The following RNF150 variants were observed in gnomAD, a reference collection of about 807,000 sequenced individuals.
RNF150 encodes the protein ring finger protein 150.
In RNF150, 24 loss-of-function variants were observed where a neutral mutation model predicts 39.3. That is an observed-to-expected ratio of 0.61 (90% CI 0.44 to 0.86). The LOEUF (loss-of-function observed/expected upper bound fraction) is 0.86. RNF150 is among the 40% of genes least tolerant of loss of function. The pLI, the probability that RNF150 is intolerant of heterozygous loss-of-function variation, is 0.00. For missense variants in RNF150, 502 were observed against 587.8 expected, an observed-to-expected ratio of 0.85 and a Z score of 1.51; for synonymous variants, 255 against 227.3, an observed-to-expected ratio of 1.12 and a Z score of -1.10.
chr4:141,089,611 G>C (rs1395497367), intron 1 of RNF150, among the ~76,000 whole-genome samples: 2 of 152,164 alleles, frequency 1.3e-5, no homozygotes, highest in Non-Finnish European at 2.9e-5. Flanking sequence ...GCAGTGTGAA[G>C]CCTACTGTGT....
intron 5 of RNF150, among the ~76,000 whole-genome samples, chr4:140,916,194 A>T (rs1378102721): frequency 4.6e-5 from 7 of 152,238 alleles, no homozygotes; most frequent in Non-Finnish European, 1.5e-5. Flanking sequence ...AGCTGGACGG[A>T]GAATGACTTT....
At chr4:141,156,165 C>T (rs767859720) in intron 1 of RNF150, among the ~76,000 whole-genome samples, 1 of 152,190 alleles carries the variant, frequency 6.6e-6, no homozygotes, top group African/African-American at 2.4e-5. Context: ...TCTAAGCTTT[C>T]TCTGAGGTCC....
At chr4:140,878,655 AAC>A (rs1729262001) in intron 6 of RNF150, among the ~76,000 whole-genome samples, 2 of 152,176 alleles carry the variant, frequency 1.3e-5, no homozygotes, top group African/African-American at 2.4e-5. Context: ...CCTGGATATT[AAC>A]ACCTTATCAA....
At chr4:140,941,514 C>A (rs1385443793) in intron 4 of RNF150, among the ~76,000 whole-genome samples, 3 of 152,142 alleles carry the variant, frequency 2.0e-5, no homozygotes, top group Non-Finnish European at 2.9e-5. Context: ...TCCAATTAAT[C>A]TTCTTGAAGA....
chr4:140,978,978 C>T (rs982572289), intron 1 of RNF150, among the ~76,000 whole-genome samples: 9 of 152,036 alleles, frequency 5.9e-5, no homozygotes, highest in Non-Finnish European at 1.3e-4. Flanking sequence ...ATATTAAATT[C>T]TAATTTTTGC....
intron 1 of RNF150, among the ~76,000 whole-genome samples, chr4:141,140,031 G>C (rs1346608893): frequency 6.6e-6 from 1 of 152,142 alleles, no homozygotes; most frequent in South Asian, 2.1e-4. Context: ...TAGCATTGGT[G>C]GTGGGGCGCG....
intron 1 of RNF150, among the ~76,000 whole-genome samples, chr4:140,971,016 T>C (rs1268068982): frequency 1.3e-5 from 2 of 151,998 alleles, no homozygotes; most frequent in African/African-American, 4.8e-5. Context: ...ATCTAGGGTG[T>C]CCAAAAAAAG....
At chr4:141,140,429 G>T (rs913297489) in intron 1 of RNF150, among the ~76,000 whole-genome samples, 3 of 152,128 alleles carry the variant, frequency 2.0e-5, no homozygotes, top group African/African-American at 7.2e-5. Flanking sequence ...TGGAAAGTCA[G>T]CTTGGAAAAA....
At chr4:140,883,264 A>T (rs1314112381) in intron 6 of RNF150, among the ~76,000 whole-genome samples, 1 of 152,114 alleles carries the variant, frequency 6.6e-6, no homozygotes, top group Non-Finnish European at 1.5e-5. Context: ...TGTCCTTTAA[A>T]TTCTATACCA....
intron 1 of RNF150, among the ~76,000 whole-genome samples, chr4:141,066,564 C>A (rs946766033): frequency 6.6e-6 from 1 of 152,172 alleles, no homozygotes; most frequent in Admixed American, 6.5e-5. Flanking sequence ...ACATGTTCTA[C>A]AATTTTCTAA....
chr4:141,192,899 C>CT lies in RNF150; in HGVS notation c.-6+19894dup, dbSNP rs530491541. Among the ~76,000 whole-genome samples, 823 of 152,314 alleles carry CT rather than the reference C, an allele frequency of 5.4e-3. 8 individuals carry two copies. Among genetic ancestry groups the CT allele is most frequent in the African/African-American group, 0.019 (790 of 41,566 alleles). ...CAACTCAGGGCCTTTGCACATGCCA[C>CT]TTTTTTCTGGCTAGAAGGCACTTTT... On this transcript the variant is annotated intron_variant, in intron 1 of 7. Coordinates refer to the RNF150 transcript ENST00000420921.
chr4:141,160,084 C>T (rs1727484984), intron 1 of RNF150, among the ~76,000 whole-genome samples: 1 of 152,122 alleles, frequency 6.6e-6, no homozygotes, highest in African/African-American at 2.4e-5. Context: ...ATTGTCAGGC[C>T]CCACCCCAGA....
chr4:140,982,334 T>C (rs1421532622), intron 1 of RNF150, among the ~76,000 whole-genome samples: 1 of 152,112 alleles, frequency 6.6e-6, no homozygotes, highest in African/African-American at 2.4e-5. Flanking sequence ...AATGTATCTG[T>C]AGTTACTGTG....
intron 1 of RNF150, among the ~76,000 whole-genome samples, chr4:141,068,560 A>G (rs556990795): frequency 3.8e-4 from 58 of 151,960 alleles, no homozygotes; most frequent in African/African-American, 1.4e-3. Context: ...TTGGTTCCAT[A>G]TGAACTTTAA....
intron 1 of RNF150, among the ~76,000 whole-genome samples, chr4:141,114,084 T>G (rs1469410849): frequency 6.6e-6 from 1 of 151,708 alleles, no homozygotes; most frequent in African/African-American, 2.4e-5. Context: ...CACCCCAAAA[T>G]CACAATTAAA....
chr4:140,939,573 G>A (rs935105153), intron 4 of RNF150, among the ~76,000 whole-genome samples: 1 of 151,190 alleles, frequency 6.6e-6, no homozygotes, highest in Admixed American at 6.6e-5. Context: ...AAAGGCTTAA[G>A]AAGATAAGCC....
At chr4:141,063,270 G>C (rs555939611) in intron 1 of RNF150, among the ~76,000 whole-genome samples, 128 of 152,308 alleles carry the variant, frequency 8.4e-4, no homozygotes, top group African/African-American at 3.0e-3. Context: ...GAATTAAGCA[G>C]ATGTTATCTC....
chr4:141,190,947 A>G (rs909269792), intron 1 of RNF150, among the ~76,000 whole-genome samples: 5 of 152,196 alleles, frequency 3.3e-5, no homozygotes, highest in Admixed American at 3.3e-4. Flanking sequence ...AAACCTTCTC[A>G]TTTCATGTAA....
At chr4:141,093,229 G>A (rs1478883252) in intron 1 of RNF150, among the ~76,000 whole-genome samples, 1 of 152,108 alleles carries the variant, frequency 6.6e-6, no homozygotes, top group African/African-American at 2.4e-5. Context: ...GGCCGGGCAT[G>A]GTGGCAGGCG....
Sources: gnomAD v4.1 joint callset for allele counts (sites outside exome capture counted in the v4.1 genomes callset) on GRCh38, gnomAD v4.1.1 for gene constraint, MANE v1.5 for transcripts, NCBI Gene and HGNC (gene_info 2026-07-23, HGNC 2026-07-21) for gene names.